The following EYA4 variants were observed in gnomAD, a reference collection of about 807,000 sequenced individuals.
EYA4 encodes the protein protein phosphatase EYA4.
EYA4 carries 31 observed loss-of-function variants against 87.9 expected under a neutral mutation model. That is an observed-to-expected ratio of 0.35 (90% CI 0.27 to 0.48). EYA4 has a LOEUF of 0.48. EYA4 is among the 20% of genes least tolerant of loss of function. The pLI, the probability that EYA4 is intolerant of heterozygous loss-of-function variation, is 0.99. For missense variants in EYA4, 678 were observed against 761.4 expected, an observed-to-expected ratio of 0.89 and a Z score of 1.29; for synonymous variants, 263 against 270.6, an observed-to-expected ratio of 0.97 and a Z score of 0.28.
intron 3 of EYA4, among the ~76,000 whole-genome samples, chr6:133,391,047 A>G (rs1257724584): frequency 6.6e-6 from 1 of 152,168 alleles, no homozygotes; most frequent in African/African-American, 2.4e-5. Flanking sequence ...CACTTGATCC[A>G]TGTGAAGAAA....
chr6:133,363,561 G>A (rs994026223), intron 2 of EYA4, among the ~76,000 whole-genome samples: 5 of 149,716 alleles, frequency 3.3e-5, no homozygotes, highest in African/African-American at 7.4e-5. Context: ...TGCAGGCTCC[G>A]CCTCCCGGGT....
chr6:133,458,073 C>T (rs1794057709), intron 6 of EYA4, among the ~76,000 whole-genome samples: 1 of 152,102 alleles, frequency 6.6e-6, no homozygotes, highest in Admixed American at 6.6e-5. Flanking sequence ...TTCTGTAATG[C>T]CCCATCAGAA....
intron 2 of EYA4, among the ~76,000 whole-genome samples, chr6:133,365,151 T>C (rs1784761248): frequency 6.6e-6 from 1 of 152,170 alleles, no homozygotes; most frequent in Non-Finnish European, 1.5e-5. Flanking sequence ...AGTTTTCTTA[T>C]TGGATTGCAT....
intron 2 of EYA4, among the ~76,000 whole-genome samples, chr6:133,290,038 C>T (rs1252706231): frequency 6.6e-6 from 1 of 152,200 alleles, no homozygotes; most frequent in African/African-American, 2.4e-5. Context: ...TAACTAGATT[C>T]TGAGCCCCAG....
chr6:133,266,793 G>C (rs1025764154), intron 1 of EYA4, among the ~76,000 whole-genome samples: 2 of 151,916 alleles, frequency 1.3e-5, no homozygotes, highest in Non-Finnish European at 1.5e-5. Context: ...TTTTAGGAAA[G>C]ATTTTTCCTA....
intron 3 of EYA4, among the ~76,000 whole-genome samples, chr6:133,397,026 A>G (rs1333592226): frequency 6.6e-6 from 1 of 152,228 alleles, no homozygotes; most frequent in African/African-American, 2.4e-5. Flanking sequence ...GGAAAATGCA[A>G]GGCTTAGAAA....
At chr6:133,457,414 G>A (rs1475464613) in intron 6 of EYA4, among the ~76,000 whole-genome samples, 1 of 152,116 alleles carries the variant, frequency 6.6e-6, no homozygotes. Context: ...GAAAGTATTT[G>A]TGGTAATTGA....
Position 133,474,914 on chromosome 6 carries a change from A to G in EYA4, c.970+6183A>G, listed in dbSNP as rs1795593762. Among the ~76,000 whole-genome samples the G allele has an allele frequency of 2.0e-5, 3 of 152,264 alleles. No homozygotes were observed. The South Asian group carries it at 6.2e-4, about 32-fold the overall frequency. On this transcript the variant is annotated intron_variant, in intron 11 of 19. Transcript: ENST00000355286. The stretch of plus-strand genomic sequence containing the variant: ...TGAATTCTACTTTTATAATGAAAAC[A>G]TACCTTATGTTCAATAAGAGACAGC...
intron 2 of EYA4, among the ~76,000 whole-genome samples, chr6:133,326,983 C>G (rs1438057156): frequency 6.6e-6 from 1 of 152,102 alleles, no homozygotes; most frequent in Non-Finnish European, 1.5e-5. Context: ...TTCCTGAGGG[C>G]TCTTGCCTTC....
At chr6:133,461,916 T>C (rs1012254086) in intron 7 of EYA4, among the ~76,000 whole-genome samples, 2 of 151,464 alleles carry the variant, frequency 1.3e-5, no homozygotes, top group Non-Finnish European at 2.9e-5. Flanking sequence ...TAGACTTCCA[T>C]AGTCTTTGCA....
intron 12 of EYA4, 23 bp downstream of exon 12, chr6:133,481,622 A>G (rs1247385073): frequency 6.2e-7 from 1 of 1,612,094 alleles, no homozygotes; most frequent in South Asian, 1.1e-5. Context: ...ATTCTTAAAG[A>G]TTGTAGTGTG....
intron 3 of EYA4, among the ~76,000 whole-genome samples, chr6:133,383,179 C>T (rs957511496): frequency 2.0e-5 from 3 of 152,082 alleles, no homozygotes; most frequent in Middle Eastern, 3.2e-3. Flanking sequence ...AGATGGGTCT[C>T]GTTTTATTTT....
At chr6:133,515,522 G>T in intron 17 of EYA4, 87 bp downstream of exon 17, 1 of 861,084 alleles carries the variant, frequency 1.2e-6, no homozygotes, top group South Asian at 1.3e-5. Flanking sequence ...TTAATTCCTA[G>T]ACTGTTTTAG....
intron 2 of EYA4, among the ~76,000 whole-genome samples, chr6:133,299,931 C>CTA (rs1483133674): frequency 2.1e-4 from 17 of 80,508 alleles, no homozygotes; most frequent in African/African-American, 5.7e-4. Flanking sequence ...AGATCTCTAT[C>CTA]TATCTATCTA....
At chr6:133,251,248 C>T (rs556237128) in intron 1 of EYA4, among the ~76,000 whole-genome samples, 1 of 152,222 alleles carries the variant, frequency 6.6e-6, no homozygotes, top group South Asian at 2.1e-4. Context: ...TAAGTTTCCT[C>T]AGTTGCTTTT....
intron 13 of EYA4, among the ~76,000 whole-genome samples, chr6:133,497,012 G>A (rs891817584): frequency 1.3e-5 from 2 of 152,102 alleles, no homozygotes; most frequent in Non-Finnish European, 1.5e-5. Flanking sequence ...TCCTCTCCCC[G>A]CACCCATAAT....
chr6:133,288,138 A>T (rs1376649496), intron 2 of EYA4, among the ~76,000 whole-genome samples: 3 of 151,878 alleles, frequency 2.0e-5, no homozygotes, highest in African/African-American at 7.3e-5. Context: ...CATTTCAATA[A>T]AAAAAAGGCT....
chr6:133,325,423 A>G (rs1448154696), intron 2 of EYA4: 3 of 152,190 alleles, frequency 2.0e-5, no homozygotes, highest in Non-Finnish European at 2.9e-5. Flanking sequence ...AGGTAAACGT[A>G]TCCATTGGGA....
At chr6:133,330,742 G>T (rs921225015) in intron 2 of EYA4, among the ~76,000 whole-genome samples, 2 of 151,902 alleles carry the variant, frequency 1.3e-5, no homozygotes, top group Admixed American at 6.6e-5. Context: ...AGTAAATAAA[G>T]AAATGTCTTT....
Sources: allele counts gnomAD v4.1 joint callset (sites outside exome capture counted in the v4.1 genomes callset), GRCh38; gene constraint gnomAD v4.1.1; transcripts MANE v1.5; gene names NCBI Gene and HGNC (gene_info 2026-07-23, HGNC 2026-07-21).